The following PCDHGA4 variants were observed in gnomAD, a reference collection of about 807,000 sequenced individuals.
The protein encoded by PCDHGA4 is protocadherin gamma subfamily A, 4.
In PCDHGA4, 38 loss-of-function variants were observed where a neutral mutation model predicts 54.6. That is an observed-to-expected ratio of 0.70 (90% confidence interval 0.54 to 0.91). The LOEUF is 0.91. Among genes scored for constraint, PCDHGA4 ranks in the 40% least tolerant of loss-of-function variants. The pLI is 0.00. For missense variants in PCDHGA4, 1,298 were observed against 1,220.9 expected (o/e 1.06, Z -0.94); for synonymous variants, 511 against 512.9 (o/e 1.00, Z 0.05).
intron 1 of PCDHGA4, chr5:141,423,105 G>C (rs1480411428): frequency 1.9e-6 from 3 of 1,613,920 alleles, no homozygotes; most frequent in East Asian, 4.5e-5. Flanking sequence ...ACACGGGCGA[G>C]GTGCGTACAG....
At position 141,355,206 on chromosome 5, in the gene PCDHGA4, G is replaced by A; in HGVS notation, c.99G>A (p.Ala33=). Residue 33 remains alanine (A), a synonymous_variant, in exon 1 of 4, where the codon GCG becomes GCA. Coordinates refer to ENST00000571252, the MANE Select transcript of PCDHGA4 (RefSeq NM_018917.4). ...HRRLRGGVVM[A]APPARPDHTR... Reference sequence around the variant, plus strand: ...GACTCCGCGGCGGGGTTGTAATGGCGGCGCCTCCTGCTCGCCCAGACCACA... The same window carrying A: ...GACTCCGCGGCGGGGTTGTAATGGCAGCGCCTCCTGCTCGCCCAGACCACA... 6.3e-7 allele frequency: 1 copy of A among 1,598,470 alleles called. No homozygotes were observed. The highest frequency in any genetic ancestry group is 8.5e-7 in the Non-Finnish European group (1 of 1,171,036).
chr5:141,414,139 G>A (rs1245110230), intron 1 of PCDHGA4: 6 of 1,596,386 alleles, frequency 3.8e-6, no homozygotes, highest in African/African-American at 1.3e-5. Context: ...CTATGAAATA[G>A]AAATACAAGC....
At chr5:141,388,207 C>T (rs1374751231) in intron 1 of PCDHGA4, 1 of 1,578,332 alleles carries the variant, frequency 6.3e-7, no homozygotes, top group Admixed American at 1.7e-5. Flanking sequence ...GAATTTGAGG[C>T]TGTTGCTGAA....
intron 1 of PCDHGA4, among the ~76,000 whole-genome samples, chr5:141,397,685 G>A (rs1471845356): frequency 6.6e-6 from 1 of 152,218 alleles, no homozygotes; most frequent in Non-Finnish European, 1.5e-5. Flanking sequence ...ATGCAGGTTT[G>A]TATAAAAACC....
intron 1 of PCDHGA4, chr5:141,414,451 G>C (rs1390702349): frequency 1.9e-6 from 3 of 1,613,874 alleles, no homozygotes; most frequent in Non-Finnish European, 2.5e-6. Context: ...CAATATCACA[G>C]TGACAGCCAC....
intron 1 of PCDHGA4, chr5:141,414,147 A>G: frequency 6.3e-7 from 1 of 1,599,090 alleles, no homozygotes; most frequent in Non-Finnish European, 8.5e-7. Flanking sequence ...TAGAAATACA[A>G]GCAGAAGATG....
chr5:141,383,308 G>T, intron 1 of PCDHGA4: 1 of 1,613,976 alleles, frequency 6.2e-7, no homozygotes, highest in Non-Finnish European at 8.5e-7. Context: ...CTTGACGGAA[G>T]AAATAAATGT....
rs200601557 is a variant in PCDHGA4, at chr5:141,432,538, G to A, written c.2515-62269G>A. 5.0e-6 allele frequency: 8 copies of A among 1,613,908 alleles called. No homozygotes were observed. The highest frequency in any genetic ancestry group is 1.7e-5 in the Admixed American group (1 of 60,012). On this transcript the variant is annotated intron_variant, in intron 1 of 3. Coordinates refer to ENST00000571252, the MANE Select transcript of PCDHGA4 (RefSeq NM_018917.4). The surrounding 1 kb of genome is among the most constrained non-coding windows in gnomAD (Gnocchi z 6.0). ...GCTACCTGGTGACCAAGGTGGTGGCGGTGGACAGAGACTCCGGCCAGAACG... is the reference window on the plus strand; with the variant it reads ...GCTACCTGGTGACCAAGGTGGTGGCAGTGGACAGAGACTCCGGCCAGAACG...
intron 1 of PCDHGA4, among the ~76,000 whole-genome samples, chr5:141,380,822 T>G (rs1446261285): frequency 1.3e-5 from 2 of 152,212 alleles, no homozygotes; most frequent in African/African-American, 4.8e-5. Flanking sequence ...AACTATGAAT[T>G]TTGAGGCATC....
Position 141,447,603 on chromosome 5 carries a change from T to G in PCDHGA4, c.2515-47204T>G, listed in dbSNP as rs146950525. On this transcript the variant is annotated intron_variant, in intron 1 of 3. Transcript: ENST00000571252. ...ATACCTTAAACATCCTATAGAGTCC[T>G]TAGCATTTTAAAGTTGAAACCAACA... Among the ~76,000 whole-genome samples, 378 of 152,270 alleles carry G rather than the reference T, an allele frequency of 2.5e-3. 1 individual carries two copies. Among genetic ancestry groups the G allele is most frequent in the Non-Finnish European group, 4.5e-3 (309 of 68,030 alleles).
intron 1 of PCDHGA4, among the ~76,000 whole-genome samples, chr5:141,425,440 A>G (rs1438530374): frequency 2.0e-5 from 3 of 152,248 alleles, no homozygotes; most frequent in Non-Finnish European, 4.4e-5. Flanking sequence ...GAGGATAAAA[A>G]TAAAACACCA....
At chr5:141,436,214 A>G (rs1242199916) in intron 1 of PCDHGA4, among the ~76,000 whole-genome samples, 5 of 152,160 alleles carry the variant, frequency 3.3e-5, no homozygotes, top group African/African-American at 7.2e-5. Context: ...AGGAAAACAA[A>G]TGACTTGGGA....
intron 1 of PCDHGA4, chr5:141,403,053 C>A: frequency 6.2e-7 from 1 of 1,614,076 alleles, no homozygotes; most frequent in Non-Finnish European, 8.5e-7. Context: ...ATTCGCTACT[C>A]AGTGCCTGAA....
chr5:141,386,921 A>G (rs2090747482), intron 1 of PCDHGA4, among the ~76,000 whole-genome samples: 1 of 152,228 alleles, frequency 6.6e-6, no homozygotes. Flanking sequence ...GGAATGTAAA[A>G]TAAGTGCAGA....
intron 1 of PCDHGA4, chr5:141,426,336 C>T (rs779025306): frequency 1.7e-4 from 31 of 187,682 alleles, no homozygotes; most frequent in Non-Finnish European, 2.8e-4. Context: ...GGCAAGCACT[C>T]TTCCCTTTCC....
chr5:141,397,609 G>A (rs2093544805), intron 1 of PCDHGA4, among the ~76,000 whole-genome samples: 1 of 152,186 alleles, frequency 6.6e-6, no homozygotes. Flanking sequence ...AGTGACAAGG[G>A]CAATACTTAG....
chr5:141,374,117 G>A (rs750762308), intron 1 of PCDHGA4: 9 of 1,587,566 alleles, frequency 5.7e-6, no homozygotes, highest in Non-Finnish European at 7.7e-6. Context: ...GCAGCGCAGC[G>A]AGCAGGTCCT....
intron 1 of PCDHGA4, chr5:141,360,787 G>T (rs758998647): frequency 1.2e-6 from 2 of 1,613,882 alleles, no homozygotes; most frequent in South Asian, 1.1e-5. Context: ...TGTGGATGGC[G>T]GAGACCCACC....
chr5:141,399,009 C>A (rs759328384), intron 1 of PCDHGA4: 1 of 1,613,812 alleles, frequency 6.2e-7, no homozygotes, highest in African/African-American at 1.3e-5. Context: ...ATTCAAAGAG[C>A]GGAGAAATTA....
Sources: gnomAD v4.1 joint callset for allele counts (sites outside exome capture counted in the v4.1 genomes callset) on GRCh38, gnomAD v4.1.1 for gene constraint, Gnocchi (gnomAD v3.1) non-coding constraint, MANE v1.5 for transcripts, NCBI Gene and HGNC (gene_info 2026-07-23, HGNC 2026-07-21) for gene names.